RIGI: variants seen among roughly 807,000 people sequenced by gnomAD.
RIGI encodes RNA sensor RIG-I.
At chr9:32,523,601 G>A in the RIGI span, among the ~76,000 whole-genome samples, 9 of 152,142 alleles carry the variant, frequency 5.9e-5, no homozygotes, top group South Asian at 1.7e-3. Context: ...CTTTCCAAAT[G>A]TGTCTTGAAT....
the RIGI span, chr9:32,457,550 C>T: frequency 1.3e-6 from 1 of 758,496 alleles, no homozygotes; most frequent in East Asian, 2.9e-5. Flanking sequence ...ACTTATTTTA[C>T]AATTGGAGGA....
chr9:32,484,963 G>T, the RIGI span, among the ~76,000 whole-genome samples: 14,966 of 152,200 alleles, frequency 0.098, 939 homozygotes, highest in Middle Eastern at 0.27. Flanking sequence ...CATGTGTCTG[G>T]ATGAACTTAC....
the RIGI span, chr9:32,467,748 A>G: frequency 2.6e-6 from 4 of 1,559,492 alleles, no homozygotes; most frequent in Non-Finnish European, 3.5e-6. Flanking sequence ...GAATGGCCTC[A>G]AAGCTTCTCT....
the RIGI span, among the ~76,000 whole-genome samples, chr9:32,470,326 G>A: frequency 6.6e-6 from 1 of 152,198 alleles, no homozygotes; most frequent in Non-Finnish European, 1.5e-5. Flanking sequence ...AGGGCTAGAT[G>A]TATAGTAAAT....
the RIGI span, among the ~76,000 whole-genome samples, chr9:32,477,521 C>T: frequency 6.6e-6 from 1 of 152,042 alleles, no homozygotes; most frequent in South Asian, 2.1e-4. Context: ...TACAATGTGG[C>T]TGTGAAAATT....
chr9:32,466,161 A>G, the RIGI span: 1 of 884,322 alleles, frequency 1.1e-6, no homozygotes. Flanking sequence ...TGAATTTAAT[A>G]TTCACTAAGT....
chr9:32,461,774 G>A, the RIGI span, among the ~76,000 whole-genome samples: 2 of 151,994 alleles, frequency 1.3e-5, no homozygotes, highest in African/African-American at 2.4e-5. Flanking sequence ...TTATCAATAC[G>A]AAACTACTAG....
chr9:32,499,201 T>C, the RIGI span, among the ~76,000 whole-genome samples: 3 of 150,112 alleles, frequency 2.0e-5, no homozygotes, highest in Non-Finnish European at 4.4e-5. Context: ...TTTTGCTCTA[T>C]GTATGTTTTC....
the RIGI span, chr9:32,472,894 T>C: frequency 7.1e-6 from 5 of 704,490 alleles, no homozygotes; most frequent in African/African-American, 3.8e-5. Flanking sequence ...ATTATATATA[T>C]ACACACACAC....
At chr9:32,522,036 G>A in the RIGI span, among the ~76,000 whole-genome samples, 1 of 152,170 alleles carries the variant, frequency 6.6e-6, no homozygotes, top group Non-Finnish European at 1.5e-5. Flanking sequence ...TGGAGACTGT[G>A]CCACTGGAAT....
the RIGI span, chr9:32,485,290 C>CA: frequency 0.35 from 457,251 of 1,292,888 alleles, 34,786 homozygotes; most frequent in South Asian, 0.41. Context: ...CTAGAGACGT[C>CA]AAAAAAAAAA....
the RIGI span, chr9:32,493,622 C>CAA: frequency 4.0e-3 from 1,895 of 478,608 alleles, no homozygotes; most frequent in Middle Eastern, 9.8e-3. Flanking sequence ...GACTCCGTCT[C>CAA]AAAAAAAAAA....
At chr9:32,524,655 C>A in the RIGI span, among the ~76,000 whole-genome samples, 6 of 124,762 alleles carry the variant, frequency 4.8e-5, no homozygotes, top group African/African-American at 1.5e-4. Context: ...GTCACCCAGG[C>A]TGAGTGCAGT....
the RIGI span, among the ~76,000 whole-genome samples, chr9:32,505,774 C>A: frequency 5.9e-5 from 9 of 152,114 alleles, 1 homozygote; most frequent in South Asian, 4.1e-4. Flanking sequence ...AGTTTTATGT[C>A]ACATAAATGT....
the RIGI span, among the ~76,000 whole-genome samples, chr9:32,525,764 G>A: frequency 6.7e-6 from 1 of 149,720 alleles, no homozygotes; most frequent in Admixed American, 6.7e-5. Flanking sequence ...CAAGCACACA[G>A]TAGACTTTAA....
chr9:32,521,162 ACT>A, the RIGI span, among the ~76,000 whole-genome samples: 7 of 148,010 alleles, frequency 4.7e-5, no homozygotes, highest in Non-Finnish European at 7.5e-5. Context: ...AAAAAAAAAA[ACT>A]TCACAGAAAT....
chr9:32,485,150 A>C, the RIGI span: 14 of 1,530,066 alleles, frequency 9.1e-6, no homozygotes, highest in Non-Finnish European at 1.2e-5. Flanking sequence ...AGTAGAGAGA[A>C]CACAAAATAT....
chr9:32,509,135 G>C, the RIGI span, among the ~76,000 whole-genome samples: 1 of 152,184 alleles, frequency 6.6e-6, no homozygotes, highest in East Asian at 1.9e-4. Context: ...ATTTCCCTGG[G>C]AGAGGGCACC....
chr9:32,486,050 G>C, the RIGI span, among the ~76,000 whole-genome samples: 61 of 152,280 alleles, frequency 4.0e-4, no homozygotes, highest in African/African-American at 1.4e-3. Context: ...GCCATGCTTT[G>C]ATTATAGACA....
Sources: gnomAD v4.1 joint callset for allele counts (sites outside exome capture counted in the v4.1 genomes callset) on GRCh38, gnomAD v4.1.1 for gene constraint, MANE v1.5 for transcripts, NCBI Gene and HGNC (gene_info 2026-07-23, HGNC 2026-07-21) for gene names.